TMEM53: variants seen among roughly 807,000 people sequenced by gnomAD.
The protein encoded by TMEM53 is novel DUF829 domain-containing protein.
A neutral mutation model predicts 21.4 loss-of-function variants in TMEM53; 14 were observed. That is an observed-to-expected ratio of 0.65 (90% CI 0.43 to 1.02). The LOEUF (loss-of-function observed/expected upper bound fraction) is 1.02, where lower values mean the gene tolerates loss of function less well. Ranked by LOEUF, TMEM53 falls within the 50% of genes least tolerant of loss-of-function variation. The pLI is 0.00. For missense variants in TMEM53, 323 were observed against 383.6 expected, an observed-to-expected ratio of 0.84 and a Z score of 1.32; for synonymous variants, 148 against 157.4, an observed-to-expected ratio of 0.94 and a Z score of 0.45.
chr1:44,673,615 C>T (rs1218682442), intron 1 of TMEM53, among the ~76,000 whole-genome samples: 1 of 152,194 alleles, frequency 6.6e-6, no homozygotes, highest in Non-Finnish European at 1.5e-5. Context: ...AGGAGAGAAA[C>T]AATGCTGATC....
intron 1 of TMEM53, among the ~76,000 whole-genome samples, chr1:44,668,823 G>A (rs1029025934): frequency 6.6e-6 from 1 of 152,330 alleles, no homozygotes; most frequent in Admixed American, 6.5e-5. Context: ...GATTACAGGC[G>A]TGAGCCACTG....
chr1:44,669,585 G>C (rs1035852886), intron 1 of TMEM53, among the ~76,000 whole-genome samples: 1 of 152,094 alleles, frequency 6.6e-6, no homozygotes, highest in African/African-American at 2.4e-5. Context: ...CAGGATTAAG[G>C]GTTCTCCCTA....
At chr1:44,667,990 C>T (rs200349725) in intron 1 of TMEM53, among the ~76,000 whole-genome samples, 1 of 152,022 alleles carries the variant, frequency 6.6e-6, no homozygotes, top group Admixed American at 6.5e-5. Context: ...TACAACAGTT[C>T]AAGCCATAAA....
At chr1:44,658,686 G>C (rs572879892) in intron 2 of TMEM53, among the ~76,000 whole-genome samples, 61 of 152,196 alleles carry the variant, frequency 4.0e-4, no homozygotes, top group South Asian at 8.3e-4. Context: ...CTGGTAGCTG[G>C]GACTACAGGT....
At position 44,654,743 on chromosome 1, in the gene TMEM53, G is replaced by A. The variant is rs750685150; in HGVS notation, c.650C>T (p.Ser217Leu). 4.8e-5 allele frequency: 78 copies of A among 1,613,954 alleles called. No homozygotes were observed. Among genetic ancestry groups the A allele is most frequent in the Admixed American group, 1.0e-4 (6 of 60,012 alleles). ...GGCCAGGACTACTTCGTCAGCCCTCGAGTAGAGGTAGAGCTCGGGCCAGCG... is the reference window on the plus strand; with the variant it reads ...GGCCAGGACTACTTCGTCAGCCCTCAAGTAGAGGTAGAGCTCGGGCCAGCG... ...GSRWPELYLYSRADEVVLARD... is the reference protein window; with the variant it reads ...GSRWPELYLYLRADEVVLARD... Residue 217 changes from serine (S) to leucine (L), a missense_variant, in exon 3 of 3, where the codon TCG becomes TTG. By Grantham distance (145) the Ser-to-Leu change is moderately radical (BLOSUM62 -2). Around this residue, in one of 3 missense-constraint regions of TMEM53, gnomAD observed 269 missense variants for 334.5 expected, o/e 0.80. Coordinates refer to ENST00000372237, the MANE Select transcript of TMEM53 (RefSeq NM_024587.4). The surrounding 1 kb of genome is among the most constrained non-coding windows in gnomAD (Gnocchi z 7.0).
At chr1:44,673,048 C>T (rs1375437058) in intron 1 of TMEM53, among the ~76,000 whole-genome samples, 1 of 152,224 alleles carries the variant, frequency 6.6e-6, no homozygotes, top group Non-Finnish European at 1.5e-5. Flanking sequence ...GAAGGCAGCT[C>T]CAACCCTTTG....
At chr1:44,660,140 G>A (rs771939744) in intron 2 of TMEM53, 34 bp downstream of exon 2, 37 of 1,602,884 alleles carry the variant, frequency 2.3e-5, no homozygotes, top group Admixed American at 5.1e-5. Flanking sequence ...CAGCCCTCAC[G>A]GCAGCCCAGG....
In TMEM53 at chr1:44,670,743, C is replaced by T. The variant is rs139674877; in HGVS notation, c.61+3588G>A. Among the ~76,000 whole-genome samples, 682 of 152,366 alleles carry T rather than the reference C, an allele frequency of 4.5e-3. 4 individuals carry two copies. Among genetic ancestry groups the T allele is most frequent in the Non-Finnish European group, 7.5e-3 (512 of 68,044 alleles). On this transcript the variant is annotated intron_variant, in intron 1 of 2. Transcript: ENST00000372237. The stretch of plus-strand genomic sequence containing the variant: ...CCCTCACTTCCCCTCTCTGTGATCC[C>T]CTTAAGACCTTCTGTTTACTTTAAG...
intron 1 of TMEM53, chr1:44,673,801 G>C: frequency 1.0e-6 from 1 of 967,058 alleles, no homozygotes; most frequent in Non-Finnish European, 1.2e-6. Context: ...AAGGAGTCAG[G>C]ATTTCAGTCG....
At chr1:44,669,875 T>G (rs1461531170) in intron 1 of TMEM53, among the ~76,000 whole-genome samples, 1 of 151,114 alleles carries the variant, frequency 6.6e-6, no homozygotes, top group Non-Finnish European at 1.5e-5. Context: ...CTCGGCTCAC[T>G]GCAACCTCCG....
intron 1 of TMEM53, among the ~76,000 whole-genome samples, chr1:44,667,813 C>T (rs960716865): frequency 1.3e-5 from 2 of 151,990 alleles, no homozygotes; most frequent in Non-Finnish European, 2.9e-5. Context: ...GTCAAAGAGG[C>T]CAGGGATGCC....
In TMEM53 at chr1:44,666,854, T is replaced by TG. The variant is rs1402581789; in HGVS notation, c.62-6560_62-6559insC. On this transcript the variant is annotated intron_variant, in intron 1 of 2. Coordinates refer to ENST00000372237, the MANE Select transcript of TMEM53 (RefSeq NM_024587.4). ...CAGTGAATTGTACTTTTTTTTTTTG[T>TG]TTTGTTTTGAGACAGGGCCTCACTC... Among the ~76,000 whole-genome samples the TG allele has an allele frequency of 6.3e-3, 865 of 138,202 alleles. 6 individuals carry two copies. The highest frequency in any genetic ancestry group is 0.024 in the African/African-American group (727 of 30,766). 90.7% of individuals were successfully genotyped at this position (138,202 alleles called of 152,430 possible).
At position 44,655,555 on chromosome 1, in the gene TMEM53, G is replaced by A. The variant is rs1030333962; in HGVS notation, c.184-346C>T. On this transcript the variant is annotated intron_variant, in intron 2 of 2. Transcript: ENST00000372237. The surrounding 1 kb of genome is among the most constrained non-coding windows in gnomAD (Gnocchi z 4.4). Reference sequence around the variant, plus strand: ...AGTCTCTTTACTCTGGTTCCCTCCTGTCTGTGCCCCGCACTCCCATCCTAG... The same window carrying A: ...AGTCTCTTTACTCTGGTTCCCTCCTATCTGTGCCCCGCACTCCCATCCTAG... 3.3e-5 allele frequency among the ~76,000 whole-genome samples: 5 copies of A among 152,140 alleles called. No homozygotes were observed. The highest frequency in any genetic ancestry group is 1.2e-4 in the African/African-American group (5 of 41,430).
chr1:44,654,701 AT>A lies in TMEM53; in HGVS notation c.691del (p.Met231TrpfsTer148). 1 of 1,614,130 alleles carries A rather than the reference AT, an allele frequency of 6.2e-7. No individual in the cohort carries two copies. The highest frequency in any genetic ancestry group is 8.5e-7 in the Non-Finnish European group (1 of 1,180,002). On this transcript the variant is annotated frameshift_variant, in exon 3 of 3. Coordinates refer to ENST00000372237, the MANE Select transcript of TMEM53 (RefSeq NM_024587.4). LOFTEE classifies it high-confidence loss of function. This position sits in a 1 kb window ranked among gnomAD's most constrained non-coding sequence, Gnocchi z 7.0. Reference sequence around the variant, plus strand: ...CCGGCGTGCCAGGCGTGCCTCCACCATGCGTTCTATGTCTCTGGCCAGGACT... The same window carrying A: ...CCGGCGTGCCAGGCGTGCCTCCACCAGCGTTCTATGTCTCTGGCCAGGACT... ...EVVLARDIER[M>X]VEARLARRVL...
In TMEM53 at chr1:44,654,611, G is replaced by A; in HGVS notation, c.782C>T (p.Thr261Ile). 6.2e-7 allele frequency: 1 copy of A among 1,613,708 alleles called. No homozygotes were observed. Among genetic ancestry groups the A allele is most frequent in the Non-Finnish European group, 8.5e-7 (1 of 1,179,854 alleles). Residue 261 changes from threonine to isoleucine, a missense_variant, in exon 3 of 3, where the codon ACT becomes ATT. Coordinates refer to ENST00000372237, the MANE Select transcript of TMEM53 (RefSeq NM_024587.4). This position sits in a 1 kb window ranked among gnomAD's most constrained non-coding sequence, Gnocchi z 7.0. ...GTCGACACAGAGGCTTGTGTAGTAA[G>A]TAGGGTAGTCACGGAGGTGGCTGAC... is the stretch of plus-strand genomic sequence containing the variant. ...AHVSHLRDYPTYYTSLCVDFM... is the reference protein window; with the variant it reads ...AHVSHLRDYPIYYTSLCVDFM...
rs752268483 is a variant in TMEM53 at position 44,655,110 on chromosome 1, C to T, written c.283G>A (p.Glu95Lys). ...SLRVLAQKLL[E>K]LLFDYEIEKE... ...TCAATCTCATAATCAAAGAGCAGCTCGAGCAGCTTCTGGGCCAAAACACGA... is the reference window on the plus strand; with the variant it reads ...TCAATCTCATAATCAAAGAGCAGCTTGAGCAGCTTCTGGGCCAAAACACGA... Residue 95 changes from glutamate (E) to lysine (K), a missense_variant, in exon 3 of 3, where the codon GAG becomes AAG. Transcript: ENST00000372237. This position sits in a 1 kb window ranked among gnomAD's most constrained non-coding sequence, Gnocchi z 4.4. The T allele has an allele frequency of 6.2e-6, 10 of 1,614,056 alleles. No individual in the cohort carries two copies. The highest frequency in any genetic ancestry group is 1.7e-5 in the Admixed American group (1 of 60,006).
In TMEM53 at chr1:44,654,636, C is replaced by T. The variant is rs781175492; in HGVS notation, c.757G>A (p.Val253Ile). The T allele has an allele frequency of 8.1e-6, 13 of 1,613,896 alleles. No individual in the cohort carries two copies. Among genetic ancestry groups the T allele is most frequent in the East Asian group, 2.2e-5 (1 of 44,896 alleles). ...RSVDFVSSAHVSHLRDYPTYY... is the reference protein window; with the variant it reads ...RSVDFVSSAHISHLRDYPTYY... ...GTAGGGTAGTCACGGAGGTGGCTGA[C>T]GTGTGCAGATGACACGAAATCCACA... The change falls in exon 3 of 3, where the codon GTC becomes ATC. Residue 253 changes from valine to isoleucine, a missense_variant. By Grantham distance (29) the Val-to-Ile change is conservative. This residue lies in a region of TMEM53 where 269 missense variants were observed against 334.5 expected (regional missense o/e 0.80). Coordinates refer to ENST00000372237, the MANE Select transcript of TMEM53 (RefSeq NM_024587.4). The surrounding 1 kb of genome is among the most constrained non-coding windows in gnomAD (Gnocchi z 7.0).
intron 1 of TMEM53, among the ~76,000 whole-genome samples, chr1:44,664,565 G>A (rs1644931552): frequency 6.6e-6 from 1 of 152,048 alleles, no homozygotes; most frequent in African/African-American, 2.4e-5. Flanking sequence ...CTAACAAGCA[G>A]TGAAGCTGAA....
intron 1 of TMEM53, among the ~76,000 whole-genome samples, chr1:44,670,104 G>C (rs1260882141): frequency 6.8e-6 from 1 of 147,092 alleles, no homozygotes; most frequent in African/African-American, 2.5e-5. Flanking sequence ...AGCCAGAAAG[G>C]GCTCTTATCT....
Sources: gnomAD v4.1 joint callset for allele counts (sites outside exome capture counted in the v4.1 genomes callset) on GRCh38, gnomAD v4.1.1 for gene constraint, gnomAD v4.1.1 regional missense constraint, Gnocchi (gnomAD v3.1) non-coding constraint, MANE v1.5 for transcripts, NCBI Gene and HGNC (gene_info 2026-07-23, HGNC 2026-07-21) for gene names.